ADK: variants seen among roughly 807,000 people sequenced by gnomAD.
ADK encodes N6,N6-dimethyladenosine kinase.
Under a neutral mutation model 44.7 loss-of-function variants are expected in ADK, and 24 were observed. That is an observed-to-expected ratio of 0.54 (90% CI 0.39 to 0.76). The LOEUF (loss-of-function observed/expected upper bound fraction) is 0.76. Among genes scored for constraint, ADK ranks in the 30% least tolerant of loss-of-function variants. ADK has a pLI of 0.00. For missense variants in ADK, 321 were observed against 425.1 expected, an observed-to-expected ratio of 0.76 and a Z score of 2.15; for synonymous variants, 128 against 142.6, an observed-to-expected ratio of 0.90 and a Z score of 0.73.
At chr10:74,604,861 A>C (rs1400235546) in intron 9 of ADK, among the ~76,000 whole-genome samples, 1 of 152,174 alleles carries the variant, frequency 6.6e-6, no homozygotes, top group Non-Finnish European at 1.5e-5. Context: ...TTTTCACGAT[A>C]TTCTTCCTAT....
chr10:74,654,735 C>T (rs1197342405), intron 9 of ADK, among the ~76,000 whole-genome samples: 1 of 151,986 alleles, frequency 6.6e-6, no homozygotes, highest in African/African-American at 2.4e-5. Flanking sequence ...TTGCTTGAAC[C>T]CGGGAGGCAG....
At chr10:74,351,208 A>C (rs371286889) in intron 4 of ADK, among the ~76,000 whole-genome samples, 1 of 152,218 alleles carries the variant, frequency 6.6e-6, no homozygotes, top group South Asian at 2.1e-4. Flanking sequence ...ATCCAGCGAC[A>C]TGTCAAAAAG....
In ADK at chr10:74,199,673, A is replaced by AT. The variant is rs200923957; in HGVS notation, c.66-1083dup. On this transcript the variant is annotated intron_variant, in intron 1 of 10. Coordinates refer to ENST00000539909, the MANE Select transcript of ADK (RefSeq NM_006721.4). ...ATATCCCTTTTTGGTAGAATGATTC[A>AT]TTTTTTTTCATTTTTTTTATTTTTT... Among the ~76,000 whole-genome samples the AT allele has an allele frequency of 6.2e-4, 94 of 151,274 alleles. 6 individuals are homozygous for AT. In the East Asian group the frequency reaches 0.018, roughly 29 times the overall value.
At chr10:74,489,262 G>T (rs1301073146) in intron 6 of ADK, among the ~76,000 whole-genome samples, 1 of 151,918 alleles carries the variant, frequency 6.6e-6, no homozygotes, top group African/African-American at 2.4e-5. Context: ...GAAGGGAAAT[G>T]TCAGCCTCAC....
intron 8 of ADK, among the ~76,000 whole-genome samples, chr10:74,599,295 C>T (rs550633204): frequency 8.5e-5 from 13 of 152,206 alleles, no homozygotes; most frequent in African/African-American, 3.1e-4. Context: ...AGTGAACAAA[C>T]AATATAAAAA....
intron 10 of ADK, among the ~76,000 whole-genome samples, chr10:74,684,162 C>T (rs1016547271): frequency 2.6e-5 from 4 of 152,060 alleles, no homozygotes; most frequent in Non-Finnish European, 5.9e-5. Context: ...AAGTTTAGCC[C>T]CTAAAATCAG....
chr10:74,257,172 C>T lies in ADK; in HGVS notation c.194+32581C>T, dbSNP rs368875846. The stretch of plus-strand genomic sequence containing the variant: ...ACAGTCATCCTTCAGTATACATGGG[C>T]GGGTGGTTCCAGGACCCAAGTCTAC... On this transcript the variant is annotated intron_variant, in intron 3 of 10. Coordinates refer to ENST00000539909, the MANE Select transcript of ADK (RefSeq NM_006721.4). 5.0e-4 allele frequency among the ~76,000 whole-genome samples: 72 copies of T among 144,148 alleles called. 1 individual carries two copies. The Middle Eastern group carries it at 0.01, about 21-fold the overall frequency. 94.6% of individuals were successfully genotyped at this position (144,148 alleles called of 152,430 possible).
At chr10:74,249,160 A>G (rs1391700915) in intron 3 of ADK, among the ~76,000 whole-genome samples, 1 of 152,158 alleles carries the variant, frequency 6.6e-6, no homozygotes, top group African/African-American at 2.4e-5. Flanking sequence ...TGATGACTAC[A>G]CTAAAACATA....
chr10:74,441,548 G>A (rs758788521), intron 6 of ADK, among the ~76,000 whole-genome samples: 9 of 152,038 alleles, frequency 5.9e-5, no homozygotes, highest in Non-Finnish European at 1.0e-4. Flanking sequence ...TTTTACATGA[G>A]ACACAAAAAT....
At chr10:74,345,306 CT>C (rs57927844) in intron 4 of ADK, among the ~76,000 whole-genome samples, 95,623 of 147,290 alleles carry the variant, frequency 0.65, 31,939 homozygotes, top group Middle Eastern at 0.79. Context: ...CATCACGTAT[CT>C]TTTTTTTTTT....
intron 4 of ADK, among the ~76,000 whole-genome samples, chr10:74,352,592 A>G (rs1841997136): frequency 6.6e-6 from 1 of 152,232 alleles, no homozygotes; most frequent in South Asian, 2.1e-4. Flanking sequence ...ATTAAACTAA[A>G]GAGCTTCTAC....
At position 74,187,437 on chromosome 10, in the gene ADK, G is replaced by A. The variant is rs982771143; in HGVS notation, c.66-13327G>A. Among the ~76,000 whole-genome samples, 3 of 151,906 alleles carry A rather than the reference G, an allele frequency of 2.0e-5. No homozygotes were observed. In the East Asian group the frequency reaches 5.8e-4, roughly 29 times the overall value. On this transcript the variant is annotated intron_variant, in intron 1 of 10. Transcript: ENST00000539909. ...TGGGTTGTCTTTTTGTTGCTGATTT[G>A]TAGGAGTTCTCTTTATATCTGAATG... is the stretch of plus-strand genomic sequence containing the variant.
At chr10:74,416,288 T>G (rs10824172) in intron 6 of ADK, among the ~76,000 whole-genome samples, 97,210 of 151,616 alleles carry the variant, frequency 0.64, 32,593 homozygotes, top group Middle Eastern at 0.8. Context: ...CAGACCAATA[T>G]TGGTTTCTCA....
At chr10:74,504,641 G>A (rs913079974) in intron 6 of ADK, among the ~76,000 whole-genome samples, 89 of 152,068 alleles carry the variant, frequency 5.9e-4, no homozygotes, top group Non-Finnish European at 4.0e-4. Context: ...ATCTCATCTC[G>A]AATTTTAATC....
At chr10:74,153,874 C>T (rs183553961) in intron 1 of ADK, among the ~76,000 whole-genome samples, 18 of 152,282 alleles carry the variant, frequency 1.2e-4, no homozygotes, top group East Asian at 1.2e-3. Flanking sequence ...TTGTTGAGCA[C>T]GTGCCAAGTC....
At chr10:74,665,446 G>A (rs916374998) in intron 9 of ADK, among the ~76,000 whole-genome samples, 9 of 152,070 alleles carry the variant, frequency 5.9e-5, no homozygotes, top group African/African-American at 2.2e-4. Flanking sequence ...TTACCTTGAG[G>A]TTGAAAAACA....
intron 3 of ADK, among the ~76,000 whole-genome samples, chr10:74,292,725 C>A (rs867698827): frequency 6.6e-6 from 1 of 151,970 alleles, no homozygotes; most frequent in African/African-American, 2.4e-5. Flanking sequence ...TATACTGGCA[C>A]CACTTGTGAA....
intron 6 of ADK, among the ~76,000 whole-genome samples, chr10:74,487,374 CAG>C (rs770680054): frequency 6.6e-6 from 1 of 151,906 alleles, no homozygotes; most frequent in East Asian, 1.9e-4. Flanking sequence ...TTTTATTAAA[CAG>C]AAAAAGCTTT....
At chr10:74,381,391 T>A (rs532945248) in intron 4 of ADK, among the ~76,000 whole-genome samples, 4 of 152,322 alleles carry the variant, frequency 2.6e-5, no homozygotes, top group South Asian at 4.1e-4. Context: ...CTTTATAGAT[T>A]CCTTTGCCTT....
Sources: allele counts gnomAD v4.1 joint callset (sites outside exome capture counted in the v4.1 genomes callset), GRCh38; gene constraint gnomAD v4.1.1; transcripts MANE v1.5; gene names NCBI Gene and HGNC (gene_info 2026-07-23, HGNC 2026-07-21).